The following PZP variants were observed in gnomAD, a reference collection of about 807,000 sequenced individuals.
PZP encodes pregnancy zone protein.
In PZP, 150 loss-of-function variants were observed where a neutral mutation model predicts 179.8. The ratio of observed to expected loss-of-function variants is 0.83; its 90% CI spans 0.73 to 0.96. The LOEUF is 0.96. Among genes scored for constraint, PZP ranks in the 40% least tolerant of loss-of-function variants. PZP has a pLI of 0.00. For synonymous variants in PZP, 624 were observed against 652.3 expected, an observed-to-expected ratio of 0.96 and a Z score of 0.66; for missense variants, 1,689 against 1,764.0, an observed-to-expected ratio of 0.96 and a Z score of 0.76.
rs955516564 is a variant in PZP, at chr12:9,197,081, G to A, written c.798C>T (p.Ser266=). The A allele has an allele frequency of 1.9e-6, 3 of 1,613,378 alleles. No individual in the cohort carries two copies. The Admixed American group carries it at 5.0e-5, about 27-fold the overall frequency. Reference sequence around the variant, plus strand: ...GAACACGAGATAATTTTCTACACAGGCTCACAGTTGCAAGTCCTGGGACAG... The same window carrying A: ...GAACACGAGATAATTTTCTACACAGACTCACAGTTGCAAGTCCTGGGACAG... ...GKPVPGLATV[S]LCRKLSRVLN... Residue 266 remains serine, a synonymous_variant, in exon 8 of 36, where the codon AGC becomes AGT. Transcript: ENST00000261336.
chr12:9,204,925 C>T (rs556584697), intron 1 of PZP, among the ~76,000 whole-genome samples: 2 of 152,042 alleles, frequency 1.3e-5, no homozygotes, highest in Middle Eastern at 3.4e-3. Context: ...TGAGGTCCCC[C>T]ATCTCTACAA....
At chr12:9,159,906 A>T (rs775381084) in intron 25 of PZP, 32 bp downstream of exon 25, 2 of 1,551,762 alleles carry the variant, frequency 1.3e-6, no homozygotes, top group Non-Finnish European at 1.8e-6. Context: ...CTGAACTCAT[A>T]GTTGAAACTC....
chr12:9,162,476 T>G, intron 22 of PZP, 121 bp downstream of exon 22: 1 of 722,370 alleles, frequency 1.4e-6, no homozygotes, highest in Non-Finnish European at 2.4e-6. Context: ...ATATTTAGTA[T>G]TATGCTGACT....
At chr12:9,157,968 TC>T in intron 26 of PZP, 127 bp from the exon 27 acceptor site, 17 of 826,722 alleles carry the variant, frequency 2.1e-5, no homozygotes, top group East Asian at 5.5e-5. Flanking sequence ...TCTCTCTCTC[TC>T]TCTCGACAGG....
At chr12:9,175,414 T>C (rs1210521175) in intron 15 of PZP, among the ~76,000 whole-genome samples, 1 of 152,176 alleles carries the variant, frequency 6.6e-6, no homozygotes, top group African/African-American at 2.4e-5. Flanking sequence ...AAAGATTTCA[T>C]GATGAAAATG....
rs1460875973 is a variant in PZP, at chr12:9,157,166, T to C, written c.3550+9A>G. 1.2e-6 allele frequency: 2 copies of C among 1,610,666 alleles called. No homozygotes were observed. The highest frequency in any genetic ancestry group is 2.7e-5 in the African/African-American group (2 of 74,860). On this transcript the variant is annotated intron_variant, in intron 28 of 35. Transcript: ENST00000261336. ...TCATTGTTCAGCTCCCACTTATAAG[T>C]GCTCTCACCTTCTTTCACAGCTTCC... is the stretch of plus-strand genomic sequence containing the variant.
At chr12:9,152,462 A>G (rs1940431229) in intron 31 of PZP, 152 bp from the exon 32 acceptor site, 2 of 639,086 alleles carry the variant, frequency 3.1e-6, no homozygotes, top group Non-Finnish European at 5.5e-6. Flanking sequence ...TGCAACACTG[A>G]CATTGGACAC....
At chr12:9,169,001 C>T in intron 16 of PZP, 27 bp from the exon 17 acceptor site, 5 of 1,474,330 alleles carry the variant, frequency 3.4e-6, no homozygotes, top group Non-Finnish European at 3.8e-6. Flanking sequence ...GTTCAATCTA[C>T]TTGTAAGCTT....
chr12:9,160,301 C>G lies in PZP; in HGVS notation c.3049+13G>C, dbSNP rs953866419. The G allele has an allele frequency of 6.9e-6, 11 of 1,586,870 alleles. No homozygotes were observed. Among genetic ancestry groups the G allele is most frequent in the South Asian group, 2.3e-5 (2 of 87,078 alleles). ...TTAGAGTAACAAAGTAAATTTTTCTCTGTCTCACTTACCAGTGATGAGATA... is the reference window on the plus strand; with the variant it reads ...TTAGAGTAACAAAGTAAATTTTTCTGTGTCTCACTTACCAGTGATGAGATA... On this transcript the variant is annotated intron_variant, in intron 24 of 35. Transcript: ENST00000261336.
Position 9,200,374 on chromosome 12 carries a change from C to A in PZP, c.745G>T (p.Val249Phe). 6.2e-7 allele frequency: 1 copy of A among 1,604,710 alleles called. No individual in the cohort carries two copies. Among genetic ancestry groups the A allele is most frequent in the Non-Finnish European group, 8.5e-7 (1 of 1,172,096 alleles). The stretch of plus-strand genomic sequence containing the variant: ...AACAATGTAACTCACTCTCCACAGA[C>A]TGTTATGTTCACTTTTTCATCCATG... ...SIMDEKVNITVCGEYTYGKPV... is the reference protein window; with the variant it reads ...SIMDEKVNITFCGEYTYGKPV... Residue 249 changes from valine to phenylalanine, a missense_variant, in exon 7 of 36, where the codon GTC (valine) becomes TTC (phenylalanine). By Grantham distance (50) the Val-to-Phe change is conservative. Around this residue, in one of 3 missense-constraint regions of PZP, gnomAD observed 742 missense variants for 730.5 expected, o/e 1.02. Transcript: ENST00000261336.
chr12:9,142,983 T>C, the PZP span, among the ~76,000 whole-genome samples: 1 of 152,144 alleles, frequency 6.6e-6, no homozygotes, highest in Non-Finnish European at 1.5e-5. Context: ...AGTAATTCAG[T>C]TGACTGGGAA....
intron 13 of PZP, among the ~76,000 whole-genome samples, chr12:9,191,788 C>T (rs1365810019): frequency 1.3e-5 from 2 of 151,926 alleles, no homozygotes; most frequent in African/African-American, 4.8e-5. Context: ...CATGGCCTGG[C>T]ACAAGAAAAA....
At chr12:9,188,840 A>C (rs1005501687) in intron 13 of PZP, among the ~76,000 whole-genome samples, 5 of 152,218 alleles carry the variant, frequency 3.3e-5, no homozygotes, top group African/African-American at 1.2e-4. Context: ...AGATCTATAC[A>C]ATGAGAATTA....
intron 26 of PZP, among the ~76,000 whole-genome samples, chr12:9,158,199 C>T (rs1035721683): frequency 2.0e-5 from 3 of 152,210 alleles, no homozygotes; most frequent in Admixed American, 2.0e-4. Flanking sequence ...AAGTGATCCA[C>T]CTGCCTTGGC....
chr12:9,198,500 A>G (rs1943966943), intron 7 of PZP, among the ~76,000 whole-genome samples: 1 of 152,196 alleles, frequency 6.6e-6, no homozygotes, highest in Non-Finnish European at 1.5e-5. Context: ...CAAATCTAAC[A>G]CAAAATGCAC....
At chr12:9,196,907 A>T in intron 8 of PZP, 105 bp downstream of exon 8, 1 of 929,914 alleles carries the variant, frequency 1.1e-6, no homozygotes, top group South Asian at 1.6e-5. Flanking sequence ...TTGGTGGGGG[A>T]TATTTTGCGA....
At chr12:9,181,172 A>C in intron 14 of PZP, 40 bp from the exon 15 acceptor site, 1 of 1,613,142 alleles carries the variant, frequency 6.2e-7, no homozygotes, top group South Asian at 1.1e-5. Context: ...TGTTTTCCCT[A>C]CTTCTGTGAT....
intron 25 of PZP, 93 bp downstream of exon 25, chr12:9,159,843 TTC>T (rs1204106204): frequency 9.2e-7 from 1 of 1,087,084 alleles, no homozygotes; most frequent in Admixed American, 2.2e-5. Flanking sequence ...GTTTCAGGTA[TTC>T]TGTTATAAGC....
rs925507950 is a variant in PZP, at chr12:9,200,881, A to G, written c.670+11T>C. 7 of 1,608,854 alleles carry G rather than the reference A, an allele frequency of 4.4e-6. No homozygotes were observed. The highest frequency in any genetic ancestry group is 4.5e-5 in the East Asian group (2 of 44,856). On this transcript the variant is annotated intron_variant, in intron 6 of 35. Coordinates refer to ENST00000261336, the MANE Select transcript of PZP (RefSeq NM_002864.3). The stretch of plus-strand genomic sequence containing the variant: ...AAATGTTATGCCTTTTTCATCTTCC[A>G]TAATCCATACCAAATTCCTCCACGG...
Sources: allele counts gnomAD v4.1 joint callset (sites outside exome capture counted in the v4.1 genomes callset), GRCh38; gene constraint gnomAD v4.1.1; regional missense constraint gnomAD v4.1.1; transcripts MANE v1.5; gene names NCBI Gene and HGNC (gene_info 2026-07-23, HGNC 2026-07-21).